Variants in AGMO observed in about 807,000 individuals in gnomAD.
The protein encoded by AGMO is alkylglycerol monooxygenase, also known as glyceryl-ether monooxygenase.
A neutral mutation model predicts 60.2 loss-of-function variants in AGMO; 75 were observed. The ratio of observed to expected loss-of-function variants is 1.25; its 90% CI spans 1.03 to 1.51. The LOEUF (loss-of-function observed/expected upper bound fraction) is 1.51. Ranked by LOEUF, AGMO falls within the 40% of genes most tolerant of loss-of-function variation. The pLI is 0.00. For missense variants in AGMO, 763 were observed against 525.5 expected (o/e 1.45, Z -4.42); for synonymous variants, 261 against 177.1 (o/e 1.47, Z -3.76).
the AGMO span, among the ~76,000 whole-genome samples, chr7:15,118,167 A>C: frequency 2.1e-3 from 121 of 58,612 alleles, 1 homozygote; most frequent in Non-Finnish European, 3.6e-3. Context: ...AAAACCACTA[A>C]AGAGAAACAC....
In AGMO at chr7:15,359,245, C is replaced by T. The variant is rs1038181218; in HGVS notation, c.1263+6269G>A. ...TGGAGCTTGCAGTGAGCCGAGATCA[C>T]GCCACTGCACTGCAGCCTCAGCAAC... On this transcript the variant is annotated intron_variant, in intron 12 of 12. Transcript: ENST00000342526. Among the ~76,000 whole-genome samples the T allele has an allele frequency of 9.4e-5, 14 of 148,816 alleles. No homozygotes were observed. In the East Asian group the frequency reaches 2.4e-3, roughly 26 times the overall value.
chr7:15,539,081 T>C (rs998774826), intron 3 of AGMO, among the ~76,000 whole-genome samples: 5 of 152,136 alleles, frequency 3.3e-5, no homozygotes, highest in African/African-American at 1.2e-4. Context: ...TGAAATATAA[T>C]AGTAAAAGGT....
rs528445391 is a variant in AGMO, at chr7:15,238,523, G to T, written c.1264-37164C>A. The stretch of plus-strand genomic sequence containing the variant: ...ACACAGGTATCAAAATATCACATGT[G>T]CTCCCAAAATATGTACAACTATAAT... On this transcript the variant is annotated intron_variant, in intron 12 of 12. Transcript: ENST00000342526. Among the ~76,000 whole-genome samples, 24 of 151,550 alleles carry T rather than the reference G, an allele frequency of 1.6e-4. No individual in the cohort carries two copies. In the South Asian group the frequency reaches 3.9e-3, roughly 25 times the overall value.
intron 12 of AGMO, among the ~76,000 whole-genome samples, chr7:15,226,962 G>A (rs1037783972): frequency 6.6e-6 from 1 of 151,976 alleles, no homozygotes; most frequent in African/African-American, 2.4e-5. Context: ...AGAAGAGAAA[G>A]ACTCTTAATT....
the AGMO span, among the ~76,000 whole-genome samples, chr7:15,155,419 C>CTTTTTTTTTTATTTTT: frequency 1.6e-5 from 1 of 63,912 alleles, no homozygotes; most frequent in Non-Finnish European, 2.8e-5. Flanking sequence ...TACAGAATTT[C>CTTTTTTTTTTATTTTT]TTTTTTTTTT....
rs542816513 is a variant in AGMO, at chr7:15,453,076, AAATGGGAAGTCATTGCT to A, written c.410-21985_410-21969del. 2.7e-3 allele frequency among the ~76,000 whole-genome samples: 404 copies of A among 152,200 alleles called. 1 individual carries two copies. The highest frequency in any genetic ancestry group is 9.1e-3 in the African/African-American group (379 of 41,534). On this transcript the variant is annotated intron_variant, in intron 3 of 12. Coordinates refer to ENST00000342526, the MANE Select transcript of AGMO (RefSeq NM_001004320.2). ...CTGCCAAGGGTGAGGGAGGGAGGGGAAATGGGAAGTCATTGCTAATGGGCACCAGATCTCCTTGGAGG... is the reference window on the plus strand; with the variant it reads ...CTGCCAAGGGTGAGGGAGGGAGGGGAAATGGGCACCAGATCTCCTTGGAGG...
At chr7:15,492,871 C>A (rs1177232404) in intron 3 of AGMO, among the ~76,000 whole-genome samples, 1 of 152,108 alleles carries the variant, frequency 6.6e-6, no homozygotes, top group Non-Finnish European at 1.5e-5. Flanking sequence ...GTTGGGTTAT[C>A]TTACCAGCCC....
intron 12 of AGMO, among the ~76,000 whole-genome samples, chr7:15,231,381 A>G (rs2128499545): frequency 6.6e-6 from 1 of 152,288 alleles, no homozygotes; most frequent in South Asian, 2.1e-4. Flanking sequence ...GAGTCAATGT[A>G]TTCTTCCATG....
downstream of AGMO, among the ~76,000 whole-genome samples, chr7:15,198,132 G>C (rs1583284599): frequency 6.6e-6 from 1 of 150,776 alleles, no homozygotes. Context: ...GATTTGCAAA[G>C]TCAGTTTGCA....
chr7:15,432,382 A>ATATATATATATATATATAT (rs1781279588), intron 3 of AGMO, among the ~76,000 whole-genome samples: 3 of 147,876 alleles, frequency 2.0e-5, no homozygotes, highest in Admixed American at 6.8e-5. Context: ...ATATATATAC[A>ATATATATATATATATATAT]CTATCTGGGT....
At chr7:15,275,850 G>T (rs1355958498) in intron 12 of AGMO, among the ~76,000 whole-genome samples, 1 of 151,670 alleles carries the variant, frequency 6.6e-6, no homozygotes, top group Non-Finnish European at 1.5e-5. Flanking sequence ...ATATAATAAT[G>T]GTTATTCCTG....
chr7:15,245,752 TAAGTAC>T (rs555365818), intron 12 of AGMO, among the ~76,000 whole-genome samples: 110 of 152,338 alleles, frequency 7.2e-4, no homozygotes, highest in African/African-American at 2.4e-3. Flanking sequence ...ATTTAATTCC[TAAGTAC>T]AAGTCTAATT....
At chr7:15,370,679 T>C (rs778235219) in intron 10 of AGMO, among the ~76,000 whole-genome samples, 38 of 143,592 alleles carry the variant, frequency 2.6e-4, no homozygotes, top group Non-Finnish European at 5.0e-4. Context: ...TGGATACTTG[T>C]ATGTCTGCTT....
At chr7:15,501,850 A>C (rs533763449) in intron 3 of AGMO, among the ~76,000 whole-genome samples, 1 of 152,092 alleles carries the variant, frequency 6.6e-6, no homozygotes, top group African/African-American at 2.4e-5. Context: ...ATAAATCAAA[A>C]TGAGCTGCAG....
At chr7:15,161,188 A>T in the AGMO span, among the ~76,000 whole-genome samples, 1 of 152,164 alleles carries the variant, frequency 6.6e-6, no homozygotes, top group African/African-American at 2.4e-5. Flanking sequence ...CTTTTGAGGG[A>T]CACATCCAAA....
intron 3 of AGMO, among the ~76,000 whole-genome samples, chr7:15,437,949 C>G (rs1781446631): frequency 6.6e-6 from 1 of 152,118 alleles, no homozygotes; most frequent in Non-Finnish European, 1.5e-5. Context: ...TATACCTTCC[C>G]TTTATTCTAT....
At chr7:15,356,428 G>A (rs1399208077) in intron 12 of AGMO, among the ~76,000 whole-genome samples, 1 of 151,880 alleles carries the variant, frequency 6.6e-6, no homozygotes, top group Non-Finnish European at 1.5e-5. Context: ...ATATAGCATA[G>A]GAAACTATAT....
intron 12 of AGMO, among the ~76,000 whole-genome samples, chr7:15,353,568 T>G (rs1782340004): frequency 1.3e-5 from 2 of 152,182 alleles, no homozygotes; most frequent in South Asian, 4.1e-4. Flanking sequence ...AAAAGAAATG[T>G]ATTTAAAATA....
the AGMO span, among the ~76,000 whole-genome samples, chr7:15,118,497 C>G: frequency 6.6e-6 from 1 of 152,102 alleles, no homozygotes; most frequent in Non-Finnish European, 1.5e-5. Context: ...CTCACTTGGT[C>G]TATCACAGTT....
Sources: gnomAD v4.1 joint callset for allele counts (sites outside exome capture counted in the v4.1 genomes callset) on GRCh38, gnomAD v4.1.1 for gene constraint, MANE v1.5 for transcripts, NCBI Gene and HGNC (gene_info 2026-07-23, HGNC 2026-07-21) for gene names.